CA10: variants seen among roughly 807,000 people sequenced by gnomAD.
CA10 encodes carbonic anhydrase 10 (inactive).
In CA10, 14 loss-of-function variants were observed where a neutral mutation model predicts 44.2. The ratio of observed to expected loss-of-function variants is 0.32; its 90% CI spans 0.21 to 0.50. The LOEUF is 0.50. Ranked by LOEUF, CA10 falls within the 20% of genes least tolerant of loss-of-function variation. The pLI is 0.99. For synonymous variants in CA10, 159 were observed against 141.6 expected (o/e 1.12, Z -0.87); for missense variants, 350 against 409.7 (o/e 0.85, Z 1.26).
At chr17:51,750,111 G>A (rs1045410628) in intron 3 of CA10, among the ~76,000 whole-genome samples, 5 of 152,058 alleles carry the variant, frequency 3.3e-5, no homozygotes, top group South Asian at 2.1e-4. Flanking sequence ...TGTGTTAGAC[G>A]TGACTTCCAT....
At chr17:52,056,698 C>T in intron 2 of CA10, among the ~76,000 whole-genome samples, 1 of 151,830 alleles carries the variant, frequency 6.6e-6, no homozygotes, top group East Asian at 1.9e-4. Context: ...AAAGGAATAA[C>T]CTGAGGTTAA....
intron 6 of CA10, among the ~76,000 whole-genome samples, chr17:51,639,988 A>G (rs978937391): frequency 2.8e-4 from 43 of 152,126 alleles, no homozygotes; most frequent in Admixed American, 5.9e-4. Flanking sequence ...GCCCTGGAAT[A>G]ACTACTGCTC....
At chr17:51,642,832 AG>A (rs760682390) in intron 6 of CA10, among the ~76,000 whole-genome samples, 2 of 152,072 alleles carry the variant, frequency 1.3e-5, no homozygotes, top group Non-Finnish European at 2.9e-5. Flanking sequence ...TGGTACAGAC[AG>A]GGTTTCACCA....
intron 3 of CA10, among the ~76,000 whole-genome samples, chr17:51,923,940 TATA>T (rs1392356665): frequency 1.3e-5 from 2 of 152,216 alleles, no homozygotes; most frequent in Middle Eastern, 3.4e-3. Flanking sequence ...ACCCCAAGGA[TATA>T]AAATGAAAAT....
intron 2 of CA10, among the ~76,000 whole-genome samples, chr17:51,975,213 T>G (rs989107204): frequency 6.6e-6 from 1 of 152,056 alleles, no homozygotes; most frequent in Non-Finnish European, 1.5e-5. Context: ...GAAGTTGAAG[T>G]AACAGAGCAA....
chr17:51,790,846 T>C (rs1454419149), intron 3 of CA10, among the ~76,000 whole-genome samples: 1 of 152,196 alleles, frequency 6.6e-6, no homozygotes, highest in Non-Finnish European at 1.5e-5. Flanking sequence ...ATCTGTATAG[T>C]GTTTTGCAGT....
intron 2 of CA10, among the ~76,000 whole-genome samples, chr17:51,988,641 C>T (rs191868830): frequency 6.6e-6 from 1 of 151,960 alleles, no homozygotes; most frequent in East Asian, 1.9e-4. Flanking sequence ...TTTACTCCTA[C>T]CTAAGAATAA....
chr17:51,777,475 A>G (rs1905868591), intron 3 of CA10, among the ~76,000 whole-genome samples: 1 of 152,158 alleles, frequency 6.6e-6, no homozygotes, highest in African/African-American at 2.4e-5. Flanking sequence ...TGAGCCCACT[A>G]CAGGACTTGA....
At chr17:52,009,478 A>C (rs1985712017) in intron 2 of CA10, among the ~76,000 whole-genome samples, 2 of 151,954 alleles carry the variant, frequency 1.3e-5, no homozygotes. Flanking sequence ...CTGATGTGTC[A>C]CCTGGAGAGC....
chr17:51,651,893 C>G (rs1250961569), intron 5 of CA10, among the ~76,000 whole-genome samples: 1 of 152,132 alleles, frequency 6.6e-6, no homozygotes, highest in Non-Finnish European at 1.5e-5. Flanking sequence ...AATATTGTGA[C>G]CTATCTACGG....
intron 3 of CA10, among the ~76,000 whole-genome samples, chr17:51,799,564 C>T (rs1313752992): frequency 6.6e-6 from 1 of 152,126 alleles, no homozygotes; most frequent in Non-Finnish European, 1.5e-5. Context: ...TGGCTAAGTT[C>T]AGGGTCAAAA....
chr17:52,067,355 G>A (rs912060497), intron 2 of CA10, among the ~76,000 whole-genome samples: 6 of 152,242 alleles, frequency 3.9e-5, no homozygotes, highest in African/African-American at 1.4e-4. Context: ...TTGGGCCTGT[G>A]GGTGCACAGA....
chr17:52,058,585 G>A (rs1303380010), intron 2 of CA10, among the ~76,000 whole-genome samples: 2 of 152,096 alleles, frequency 1.3e-5, no homozygotes, highest in Non-Finnish European at 2.9e-5. Flanking sequence ...TGATAAATAG[G>A]ACTGCTTACT....
chr17:51,970,621 G>T (rs575465426), intron 2 of CA10, among the ~76,000 whole-genome samples: 1 of 151,944 alleles, frequency 6.6e-6, no homozygotes, highest in African/African-American at 2.4e-5. Flanking sequence ...CCATTAACTC[G>T]CATGAGATAA....
chr17:51,842,710 CT>C (rs57861014), intron 3 of CA10, among the ~76,000 whole-genome samples: 35 of 147,292 alleles, frequency 2.4e-4, no homozygotes, highest in East Asian at 2.4e-3. Flanking sequence ...CATATTAAAC[CT>C]TTTTTTTTTG....
chr17:52,156,471 C>A (rs145309586), intron 1 of CA10, among the ~76,000 whole-genome samples: 1 of 152,144 alleles, frequency 6.6e-6, no homozygotes, highest in African/African-American at 2.4e-5. Flanking sequence ...AGAATGATTT[C>A]GGATAAGAGT....
At position 52,120,419 on chromosome 17, in the gene CA10, TC is replaced by T. The variant is rs1336628924; in HGVS notation, c.61+37306del. On this transcript the variant is annotated intron_variant, in intron 1 of 8. Transcript: ENST00000451037. ...ATATTGGTCTTCATCCTTAACCTTA[TC>T]CTTATCCTTATCCTTATCCTTATCC... Among the ~76,000 whole-genome samples the T allele has an allele frequency of 5.0e-4, 13 of 26,152 alleles. No homozygotes were observed. In the African/African-American group the frequency reaches 0.011, roughly 22 times the overall value. 17.2% of individuals were successfully genotyped at this position (26,152 alleles called of 152,430 possible).
At chr17:52,063,508 G>A (rs1987448806) in intron 2 of CA10, among the ~76,000 whole-genome samples, 2 of 152,298 alleles carry the variant, frequency 1.3e-5, no homozygotes, top group South Asian at 2.1e-4. Context: ...TTGGGTCATA[G>A]AGGCAGATCC....
intron 4 of CA10, among the ~76,000 whole-genome samples, chr17:51,664,935 C>T (rs530063544): frequency 1.3e-5 from 2 of 152,288 alleles, no homozygotes; most frequent in South Asian, 4.1e-4. Context: ...ACGGAGAAGA[C>T]TTTTCTAGCT....
Sources: gnomAD v4.1 joint callset for allele counts (sites outside exome capture counted in the v4.1 genomes callset) on GRCh38, gnomAD v4.1.1 for gene constraint, MANE v1.5 for transcripts, NCBI Gene and HGNC (gene_info 2026-07-23, HGNC 2026-07-21) for gene names.